Variants in TBK1 observed in about 807,000 individuals in gnomAD.
TBK1 encodes serine/threonine-protein kinase TBK1.
Under a neutral mutation model 99.9 loss-of-function variants are expected in TBK1, and 37 were observed. The observed-to-expected ratio is 0.37, with a 90% CI of 0.28 to 0.49. The LOEUF (loss-of-function observed/expected upper bound fraction) is 0.49. Ranked by LOEUF, TBK1 falls within the 20% of genes least tolerant of loss-of-function variation. The pLI, the probability that TBK1 is intolerant of heterozygous loss-of-function variation, is 0.98. For missense variants in TBK1, 644 were observed against 872.5 expected, an observed-to-expected ratio of 0.74 and a Z score of 3.30; for synonymous variants, 258 against 279.8, an observed-to-expected ratio of 0.92 and a Z score of 0.78.
In TBK1 at chr12:64,501,457, T is replaced by G. The variant is rs1050809456; in HGVS notation, c.*76T>G. 28 of 1,373,174 alleles carry G rather than the reference T, an allele frequency of 2.0e-5. No individual in the cohort carries two copies. In the African/African-American group the frequency reaches 3.5e-4, roughly 17 times the overall value. The allele number at this position is 1,373,174 out of a possible 1,614,324, so 85.1% of individuals were successfully genotyped here. On this transcript the variant is annotated 3_prime_UTR_variant, in exon 21 of 21. Coordinates refer to ENST00000331710, the MANE Select transcript of TBK1 (RefSeq NM_013254.4). ...CTTGGGCATTAAATGAATGCCTTTA[T>G]AGATAGTCACTTGTTTCTACAATTC... is the stretch of plus-strand genomic sequence containing the variant.
At position 64,487,602 on chromosome 12, in the gene TBK1, T is replaced by C. The variant is rs149687799; in HGVS notation, c.1341-885T>C. 2.1e-4 allele frequency among the ~76,000 whole-genome samples: 32 copies of C among 152,326 alleles called. No individual in the cohort carries two copies. In the East Asian group the frequency reaches 5.6e-3, roughly 27 times the overall value. ...AGTTTTTATTTTCTCTTATCTATCG[T>C]CAATTGCTGATCCATGAAGCTTTTA... On this transcript the variant is annotated intron_variant, in intron 11 of 20. Transcript: ENST00000331710.
At chr12:64,452,943 A>G (rs1472494716) in intron 1 of TBK1, 1 of 152,236 alleles carries the variant, frequency 6.6e-6, no homozygotes, top group Non-Finnish European at 1.5e-5. Context: ...ACATAGGGGC[A>G]GAGTTTAGAA....
chr12:64,469,714 G>A (rs1266048799), intron 5 of TBK1, among the ~76,000 whole-genome samples: 3 of 151,986 alleles, frequency 2.0e-5, no homozygotes, highest in Admixed American at 1.3e-4. Context: ...TCAAGCGCGT[G>A]TCCTTCAAAT....
chr12:64,465,128 A>C (rs57134262), intron 4 of TBK1, among the ~76,000 whole-genome samples: 135,211 of 151,254 alleles, frequency 0.89, 60,703 homozygotes, highest in Admixed American at 0.94. Context: ...GCACTTGTAG[A>C]CAGCTACTCA....
intron 13 of TBK1, among the ~76,000 whole-genome samples, chr12:64,495,204 G>A (rs2040912959): frequency 6.6e-6 from 1 of 152,198 alleles, no homozygotes. Context: ...AAGGAAACAA[G>A]ATTAGAAGTA....
chr12:64,491,308 TAAATG>T (rs1192691158), intron 13 of TBK1, among the ~76,000 whole-genome samples: 1 of 152,036 alleles, frequency 6.6e-6, no homozygotes, highest in Non-Finnish European at 1.5e-5. Context: ...TTGTACTAAT[TAAATG>T]AGATAAATAA....
chr12:64,477,260 T>C (rs1168933768), intron 6 of TBK1, among the ~76,000 whole-genome samples: 1 of 152,252 alleles, frequency 6.6e-6, no homozygotes, highest in African/African-American at 2.4e-5. Context: ...CTGCGCAGTA[T>C]GGATATTTTA....
chr12:64,497,448 A>G (rs906646301), intron 18 of TBK1, among the ~76,000 whole-genome samples, 189 bp downstream of exon 18: 7 of 152,102 alleles, frequency 4.6e-5, no homozygotes, highest in Non-Finnish European at 7.4e-5. Context: ...CCATCCTTTT[A>G]TCAACTGTAT....
At chr12:64,477,836 G>T (rs529698170) in intron 6 of TBK1, among the ~76,000 whole-genome samples, 1 of 152,168 alleles carries the variant, frequency 6.6e-6, no homozygotes, top group African/African-American at 2.4e-5. Context: ...TTGTTGAGAT[G>T]TATTGCCATA....
chr12:64,466,412 G>T (rs1011487436), intron 4 of TBK1, among the ~76,000 whole-genome samples: 1 of 152,098 alleles, frequency 6.6e-6, no homozygotes, highest in African/African-American at 2.4e-5. Context: ...CATTTTTACA[G>T]AAACAAGTTT....
At position 64,455,822 on chromosome 12, in the gene TBK1, AT is replaced by A. The variant is rs760123372; in HGVS notation, c.-31-8del. 7.5e-4 allele frequency: 1,020 copies of A among 1,355,448 alleles called. No individual in the cohort carries two copies. Among genetic ancestry groups the A allele is most frequent in the African/African-American group, 8.7e-4 (59 of 67,568 alleles). The allele number at this position is 1,355,448 out of a possible 1,614,324, so 84.0% of individuals were successfully genotyped here. ...TTACTCCCTTAAAACATAGTTGCAA[AT>A]TTTTTTTTTCTCTTAGTATAACAAG... is the stretch of plus-strand genomic sequence containing the variant. On this transcript the variant is annotated splice_polypyrimidine_tract_variant and intron_variant, in intron 1 of 20. Coordinates refer to ENST00000331710, the MANE Select transcript of TBK1 (RefSeq NM_013254.4).
chr12:64,490,765 C>T (rs1309551879), intron 13 of TBK1, among the ~76,000 whole-genome samples: 2 of 151,626 alleles, frequency 1.3e-5, no homozygotes, highest in Admixed American at 1.3e-4. Context: ...TGGTGAAACC[C>T]CGTGTCATTA....
chr12:64,481,791 G>C (rs774792491), intron 7 of TBK1, 51 bp from the exon 8 acceptor site: 91 of 1,297,506 alleles, frequency 7.0e-5, no homozygotes, highest in Non-Finnish European at 8.3e-5. Flanking sequence ...TTTTAACCTA[G>C]ACAGAATATG....
At chr12:64,460,129 C>T (rs972083950) in intron 2 of TBK1, 60 bp from the exon 3 acceptor site, 5 of 1,175,098 alleles carry the variant, frequency 4.3e-6, no homozygotes, top group Non-Finnish European at 5.7e-6. Flanking sequence ...TCTAATGCTA[C>T]CTTTTAATCT....
intron 5 of TBK1, among the ~76,000 whole-genome samples, chr12:64,472,192 A>G (rs1174483306): frequency 5.3e-5 from 8 of 151,576 alleles, no homozygotes; most frequent in Non-Finnish European, 1.2e-4. Context: ...ACTTGTCTGC[A>G]TTCTGATTTC....
At chr12:64,470,428 C>A (rs890972397) in intron 5 of TBK1, among the ~76,000 whole-genome samples, 4 of 152,046 alleles carry the variant, frequency 2.6e-5, no homozygotes, top group African/African-American at 9.7e-5. Flanking sequence ...ACTTTGAATA[C>A]AAGTGCAGTG....
At chr12:64,488,298 A>T (rs1485945661) in intron 11 of TBK1, among the ~76,000 whole-genome samples, 189 bp from the exon 12 acceptor site, 1 of 152,216 alleles carries the variant, frequency 6.6e-6, no homozygotes, top group African/African-American at 2.4e-5. Flanking sequence ...GTTTGTGAAA[A>T]TATGAGTTCC....
In TBK1 at chr12:64,497,733, C is replaced by T; in HGVS notation, c.2045C>T (p.Thr682Ile). The T allele has an allele frequency of 1.9e-6, 3 of 1,601,914 alleles. No homozygotes were observed. The highest frequency in any genetic ancestry group is 2.6e-6 in the Non-Finnish European group (3 of 1,174,980). ...TMTPIYPSSN[T>I]LVEMTLGMKK... is the part of the protein sequence containing the mutation. ...ACCCCAATTTATCCAAGTTCTAACACATTAGTAGAAATGACTCTTGGGTAA... is the reference window on the plus strand; with the variant it reads ...ACCCCAATTTATCCAAGTTCTAACATATTAGTAGAAATGACTCTTGGGTAA... The change falls in exon 19 of 21, where the codon ACA (threonine) becomes ATA (isoleucine). Residue 682 changes from threonine to isoleucine, a missense_variant. Thr to Ile is a moderately conservative substitution (Grantham distance 89, BLOSUM62 -1). Transcript: ENST00000331710.
intron 20 of TBK1, among the ~76,000 whole-genome samples, chr12:64,499,104 C>T (rs1041890293): frequency 4.9e-5 from 6 of 122,222 alleles, no homozygotes; most frequent in African/African-American, 1.3e-4. Context: ...AGTCCAATGG[C>T]GTGATCTCAG....
Sources: allele counts gnomAD v4.1 joint callset (sites outside exome capture counted in the v4.1 genomes callset), GRCh38; gene constraint gnomAD v4.1.1; transcripts MANE v1.5; gene names NCBI Gene and HGNC (gene_info 2026-07-23, HGNC 2026-07-21).